ADGRB3: variants seen among roughly 807,000 people sequenced by gnomAD.
ADGRB3 encodes the protein adhesion G protein-coupled receptor B3.
Under a neutral mutation model 193.4 loss-of-function variants are expected in ADGRB3, and 37 were observed. The observed-to-expected ratio is 0.19, with a 90% confidence interval of 0.15 to 0.25. ADGRB3 has a LOEUF of 0.25. Among genes scored for constraint, ADGRB3 ranks in the 10% least tolerant of loss-of-function variants. The pLI is 1.00. For synonymous variants in ADGRB3, 690 were observed against 644.2 expected, an observed-to-expected ratio of 1.07 and a Z score of -1.08; for missense variants, 1,637 against 1,852.9, an observed-to-expected ratio of 0.88 and a Z score of 2.14.
rs538317359 is a variant in ADGRB3 at position 69,222,249 on chromosome 6, A to G, written c.2481-11041A>G. Among the ~76,000 whole-genome samples, 27 of 152,264 alleles carry G rather than the reference A, an allele frequency of 1.8e-4. No individual in the cohort carries two copies. In the East Asian group the frequency reaches 3.7e-3, roughly 21 times the overall value. On this transcript the variant is annotated intron_variant, in intron 17 of 31. Transcript: ENST00000370598. The stretch of plus-strand genomic sequence containing the variant: ...TGTGATCATCGTGATAATATGTTGT[A>G]TTTATATAGAACTTTCAATTTGTAG...
At chr6:69,151,712 G>A (rs918187042) in intron 17 of ADGRB3, among the ~76,000 whole-genome samples, 5 of 152,134 alleles carry the variant, frequency 3.3e-5, no homozygotes, top group African/African-American at 1.2e-4. Flanking sequence ...GTATATTTCT[G>A]ATACCATAAA....
In ADGRB3 at chr6:69,361,113, T is replaced by G. The variant is rs746897611; in HGVS notation, c.3840T>G (p.Thr1280=). ...AAGAAAATAGTGAATTGCGGAGAACTGTGTACTTATGTACGGATGATAATT... is the reference window on the plus strand; with the variant it reads ...AAGAAAATAGTGAATTGCGGAGAACGGTGTACTTATGTACGGATGATAATT... ...LKKENSELRR[T]VYLCTDDNLR... The change falls in exon 29 of 32, where the codon ACT becomes ACG. Residue 1280 remains threonine (T), a synonymous_variant. Transcript: ENST00000370598. The G allele has an allele frequency of 2.5e-6, 4 of 1,612,832 alleles. No individual in the cohort carries two copies. The highest frequency in any genetic ancestry group is 4.5e-5 in the East Asian group (2 of 44,848).
At chr6:68,763,499 A>G (rs557961833) in intron 3 of ADGRB3, among the ~76,000 whole-genome samples, 1 of 152,272 alleles carries the variant, frequency 6.6e-6, no homozygotes, top group Admixed American at 6.5e-5. Flanking sequence ...TTTTTCCCCT[A>G]TTACAAATAA....
chr6:69,325,032 T>C lies in ADGRB3; in HGVS notation c.2965+10T>C. The C allele has an allele frequency of 6.2e-7, 1 of 1,610,840 alleles. No homozygotes were observed. The highest frequency in any genetic ancestry group is 8.5e-7 in the Non-Finnish European group (1 of 1,178,382). The stretch of plus-strand genomic sequence containing the variant: ...TTGTGCCTTGGATGGGGTAAGCATA[T>C]TGATATACCGTTTCATGCTCTTCTC... On this transcript the variant is annotated intron_variant, in intron 21 of 31. Coordinates refer to ENST00000370598, the MANE Select transcript of ADGRB3 (RefSeq NM_001704.3).
intron 31 of ADGRB3, among the ~76,000 whole-genome samples, chr6:69,385,735 G>T (rs1434200615): frequency 6.6e-6 from 1 of 151,974 alleles, no homozygotes; most frequent in Admixed American, 6.6e-5. Context: ...CACCTCCATT[G>T]AAACCTTTCC....
At chr6:69,324,217 C>T (rs1023427912) in intron 20 of ADGRB3, among the ~76,000 whole-genome samples, 3 of 152,068 alleles carry the variant, frequency 2.0e-5, no homozygotes, top group African/African-American at 7.2e-5. Flanking sequence ...CTGCTGGTGA[C>T]ATGATTAGCT....
intron 11 of ADGRB3, among the ~76,000 whole-genome samples, chr6:69,007,475 G>A (rs1006795106): frequency 2.6e-5 from 4 of 151,918 alleles, no homozygotes; most frequent in South Asian, 2.1e-4. Context: ...CTCTAGTTAC[G>A]TTATCTTTCT....
chr6:69,219,035 C>T (rs573649576), intron 17 of ADGRB3, among the ~76,000 whole-genome samples: 1 of 152,034 alleles, frequency 6.6e-6, no homozygotes, highest in East Asian at 1.9e-4. Flanking sequence ...TTAGAGTGGC[C>T]ACAGTTAAAC....
At chr6:69,169,616 A>G (rs1247468773) in intron 17 of ADGRB3, among the ~76,000 whole-genome samples, 1 of 151,422 alleles carries the variant, frequency 6.6e-6, no homozygotes, top group Non-Finnish European at 1.5e-5. Flanking sequence ...AAATTAAATA[A>G]ATACCATAGG....
chr6:68,640,308 G>C (rs182593149), intron 3 of ADGRB3, among the ~76,000 whole-genome samples: 2 of 152,294 alleles, frequency 1.3e-5, no homozygotes, highest in East Asian at 3.9e-4. Context: ...AAATGCGGAA[G>C]AAAAAGAAAG....
intron 3 of ADGRB3, among the ~76,000 whole-genome samples, chr6:68,726,982 A>G (rs1425936218): frequency 6.6e-6 from 1 of 151,568 alleles, no homozygotes; most frequent in African/African-American, 2.4e-5. Context: ...AGATTTGCTC[A>G]GTCAACTTCA....
chr6:69,195,796 G>C (rs558891818), intron 17 of ADGRB3, among the ~76,000 whole-genome samples: 4 of 152,128 alleles, frequency 2.6e-5, no homozygotes, highest in Admixed American at 6.6e-5. Flanking sequence ...TGTCTCTCTG[G>C]CCTATGCCAC....
At chr6:69,163,948 C>T (rs936629692) in intron 17 of ADGRB3, among the ~76,000 whole-genome samples, 2 of 152,068 alleles carry the variant, frequency 1.3e-5, no homozygotes, top group Admixed American at 6.6e-5. Flanking sequence ...TTTCTAAGTG[C>T]CTGATGAGGC....
At chr6:69,157,765 G>T (rs998805128) in intron 17 of ADGRB3, among the ~76,000 whole-genome samples, 6 of 151,134 alleles carry the variant, frequency 4.0e-5, no homozygotes, top group African/African-American at 1.5e-4. Context: ...TGGATATTTT[G>T]AAATGAGAAA....
intron 26 of ADGRB3, among the ~76,000 whole-genome samples, chr6:69,341,515 G>A (rs1768973405): frequency 6.6e-6 from 1 of 152,170 alleles, no homozygotes; most frequent in Admixed American, 6.5e-5. Flanking sequence ...ATTGCAAGGG[G>A]AGGAGAGTAT....
chr6:68,978,950 AT>A (rs1422264571), intron 10 of ADGRB3, among the ~76,000 whole-genome samples: 2 of 151,546 alleles, frequency 1.3e-5, no homozygotes, highest in East Asian at 3.9e-4. Flanking sequence ...CTTTATAAAT[AT>A]ATAGCAATCA....
At chr6:68,956,294 T>C in intron 7 of ADGRB3, 106 bp downstream of exon 7, 1 of 863,620 alleles carries the variant, frequency 1.2e-6, no homozygotes, top group South Asian at 2.4e-5. Flanking sequence ...ATAATCATTA[T>C]ATATATATGT....
intron 3 of ADGRB3, among the ~76,000 whole-genome samples, chr6:68,806,504 G>A (rs972977991): frequency 6.6e-6 from 1 of 151,882 alleles, no homozygotes; most frequent in African/African-American, 2.4e-5. Context: ...AAATCAGCAA[G>A]CAATTGAATT....
At position 69,294,668 on chromosome 6, in the gene ADGRB3, G is replaced by A. The variant is rs76135892; in HGVS notation, c.2815-30204G>A. On this transcript the variant is annotated intron_variant, in intron 20 of 31. Transcript: ENST00000370598. ...TACTTATATAATGAAGATAAAATCC[G>A]TGCAGTGGGGCTGGAAATGTTCACA... 2.5e-3 allele frequency among the ~76,000 whole-genome samples: 382 copies of A among 152,206 alleles called. 10 individuals carry two copies. The East Asian group carries it at 0.068, about 27-fold the overall frequency.
Sources: gnomAD v4.1 joint callset for allele counts (sites outside exome capture counted in the v4.1 genomes callset) on GRCh38, gnomAD v4.1.1 for gene constraint, MANE v1.5 for transcripts, NCBI Gene and HGNC (gene_info 2026-07-23, HGNC 2026-07-21) for gene names.